Variants in HS3ST2 observed in about 807,000 individuals in gnomAD.
HS3ST2 encodes the protein heparan sulfate glucosamine 3-O-sulfotransferase 2.
Under a neutral mutation model 26.3 loss-of-function variants are expected in HS3ST2, and 17 were observed. That is an observed-to-expected ratio of 0.65 (90% confidence interval 0.44 to 0.97). The LOEUF is 0.97. Ranked by LOEUF, HS3ST2 falls within the 50% of genes least tolerant of loss-of-function variation. The pLI, the probability that HS3ST2 is intolerant of heterozygous loss-of-function variation, is 0.00. For synonymous variants in HS3ST2, 237 were observed against 219.2 expected, an observed-to-expected ratio of 1.08 and a Z score of -0.72; for missense variants, 402 against 501.2, an observed-to-expected ratio of 0.80 and a Z score of 1.89.
At chr16:22,906,532 G>A (rs1002323379) in intron 1 of HS3ST2, among the ~76,000 whole-genome samples, 5 of 152,146 alleles carry the variant, frequency 3.3e-5, no homozygotes, top group African/African-American at 1.2e-4. Flanking sequence ...TTCCCCACCA[G>A]CCACAGGGCA....
intron 1 of HS3ST2, among the ~76,000 whole-genome samples, chr16:22,897,556 C>T (rs1458381541): frequency 6.6e-6 from 1 of 152,156 alleles, no homozygotes; most frequent in Non-Finnish European, 1.5e-5. Flanking sequence ...CATTTTCTAC[C>T]TTCACTATGT....
intron 1 of HS3ST2, among the ~76,000 whole-genome samples, chr16:22,864,373 C>T (rs1421461528): frequency 6.6e-6 from 1 of 152,146 alleles, no homozygotes; most frequent in Admixed American, 6.5e-5. Context: ...ATGTCAGGAC[C>T]TCATGAAGAA....
chr16:22,833,357 T>C (rs1204529568), intron 1 of HS3ST2: 4 of 455,068 alleles, frequency 8.8e-6, no homozygotes, highest in African/African-American at 4.0e-5. Flanking sequence ...GAGACAAGAA[T>C]GTGTGTCTTG....
chr16:22,816,145 G>C (rs975161453), intron 1 of HS3ST2, among the ~76,000 whole-genome samples: 1 of 152,214 alleles, frequency 6.6e-6, no homozygotes, highest in Admixed American at 6.5e-5. Flanking sequence ...CCACATGTGG[G>C]TGGTGTAATG....
chr16:22,858,938 G>A (rs1293189695), intron 1 of HS3ST2, among the ~76,000 whole-genome samples: 2 of 152,152 alleles, frequency 1.3e-5, no homozygotes, highest in Non-Finnish European at 2.9e-5. Flanking sequence ...GGCTGAAGTG[G>A]GAGTATCACT....
At chr16:22,822,867 A>AG (rs899580307) in intron 1 of HS3ST2, among the ~76,000 whole-genome samples, 3 of 151,944 alleles carry the variant, frequency 2.0e-5, no homozygotes, top group East Asian at 3.9e-4. Context: ...AAAAAAAAAA[A>AG]AAAGAAAGAA....
intron 1 of HS3ST2, among the ~76,000 whole-genome samples, chr16:22,874,071 G>T (rs1774751179): frequency 6.6e-6 from 1 of 152,174 alleles, no homozygotes; most frequent in Admixed American, 6.6e-5. Context: ...AAGCAAGTCT[G>T]GAGCCAAGTT....
intron 1 of HS3ST2, among the ~76,000 whole-genome samples, chr16:22,863,917 G>A (rs7199670): frequency 0.27 from 41,633 of 152,152 alleles, 9,386 homozygotes; most frequent in African/African-American, 0.62. Context: ...AAGGTTCTCC[G>A]CTCTATCTGA....
chr16:22,857,782 G>T (rs1901615888), intron 1 of HS3ST2, among the ~76,000 whole-genome samples: 1 of 152,112 alleles, frequency 6.6e-6, no homozygotes, highest in Non-Finnish European at 1.5e-5. Context: ...GTAGGCTGGA[G>T]CCCAATTATG....
At chr16:22,848,574 C>T (rs1486745463) in intron 1 of HS3ST2, among the ~76,000 whole-genome samples, 1 of 152,134 alleles carries the variant, frequency 6.6e-6, no homozygotes, top group East Asian at 1.9e-4. Context: ...AAATATGCTC[C>T]TTTGAATACC....
intron 1 of HS3ST2, among the ~76,000 whole-genome samples, chr16:22,845,545 G>A (rs886901231): frequency 1.3e-5 from 2 of 150,882 alleles, no homozygotes; most frequent in African/African-American, 4.9e-5. Flanking sequence ...TAGAGATGAG[G>A]TTTCACTATG....
chr16:22,833,538 G>A (rs1901206894), intron 1 of HS3ST2: 1 of 346,886 alleles, frequency 2.9e-6, no homozygotes, highest in South Asian at 2.3e-5. Context: ...GTAGAGGGGA[G>A]GCACACCGGA....
At position 22,814,647 on chromosome 16, in the gene HS3ST2, C is replaced by G. The variant is rs1900826022; in HGVS notation, c.37C>G (p.Gln13Glu). The change falls in exon 1 of 2, where the codon CAG (glutamine) becomes GAG (glutamate). Residue 13 changes from glutamine to glutamate, a missense_variant. Physicochemically the swap from Gln to Glu is conservative, Grantham distance 29. Transcript: ENST00000261374. ...GGTCCTGGGCCGCGCGGGGCCACCT[C>G]AGCCGCGGAGGGCGCGCAGGCTGCT... is the stretch of plus-strand genomic sequence containing the variant. ...YRVLGRAGPP[Q>E]PRRARRLLFA... is the part of the protein sequence containing the mutation. 6.4e-7 allele frequency: 1 copy of G among 1,558,716 alleles called. No individual in the cohort carries two copies. Among genetic ancestry groups the G allele is most frequent in the Non-Finnish European group, 8.7e-7 (1 of 1,152,944 alleles).
At chr16:22,895,541 TTCA>T (rs1159650094) in intron 1 of HS3ST2, among the ~76,000 whole-genome samples, 2 of 152,172 alleles carry the variant, frequency 1.3e-5, no homozygotes, top group Non-Finnish European at 2.9e-5. Flanking sequence ...CCTCTCCATT[TTCA>T]TATAAAATGT....
chr16:22,912,103 G>A (rs937226371), intron 1 of HS3ST2, among the ~76,000 whole-genome samples: 5 of 152,104 alleles, frequency 3.3e-5, no homozygotes, highest in Middle Eastern at 3.2e-3. Flanking sequence ...CAGCCTGGGC[G>A]ACAGCATAAG....
intron 1 of HS3ST2, among the ~76,000 whole-genome samples, chr16:22,821,317 T>G (rs1457277112): frequency 1.3e-5 from 2 of 151,572 alleles, no homozygotes; most frequent in African/African-American, 4.9e-5. Flanking sequence ...CAACAGGTGC[T>G]ATTACCTGCA....
At chr16:22,857,446 C>T (rs533696752) in intron 1 of HS3ST2, among the ~76,000 whole-genome samples, 6 of 152,222 alleles carry the variant, frequency 3.9e-5, no homozygotes, top group Non-Finnish European at 5.9e-5. Context: ...GTGGAAAACG[C>T]GTTAATATCA....
intron 1 of HS3ST2, among the ~76,000 whole-genome samples, chr16:22,842,546 C>T (rs1178063744): frequency 2.0e-5 from 3 of 152,158 alleles, no homozygotes; most frequent in African/African-American, 7.2e-5. Flanking sequence ...CCGCCCCAGC[C>T]TCTGGTGACC....
intron 1 of HS3ST2, among the ~76,000 whole-genome samples, chr16:22,836,552 T>C (rs1480186467): frequency 6.6e-6 from 1 of 152,198 alleles, no homozygotes; most frequent in Non-Finnish European, 1.5e-5. Context: ...CTTTCTTTAG[T>C]TGCATGTTTT....
Sources: allele counts gnomAD v4.1 joint callset (sites outside exome capture counted in the v4.1 genomes callset), GRCh38; gene constraint gnomAD v4.1.1; transcripts MANE v1.5; gene names NCBI Gene and HGNC (gene_info 2026-07-23, HGNC 2026-07-21).